Variants in DNM3 observed in about 807,000 individuals in gnomAD.
DNM3 encodes the protein dynamin 3.
In DNM3, 47 loss-of-function variants were observed where a neutral mutation model predicts 101.6. The ratio of observed to expected loss-of-function variants is 0.46; its 90% CI spans 0.37 to 0.59. DNM3 has a LOEUF of 0.59. Ranked by LOEUF, DNM3 falls within the 20% of genes least tolerant of loss-of-function variation. DNM3 has a pLI of 0.00. For missense variants in DNM3, 849 were observed against 1,085.7 expected (o/e 0.78, Z 3.06); for synonymous variants, 385 against 387.9 (o/e 0.99, Z 0.09).
chr1:172,039,507 C>T (rs10797725), intron 7 of DNM3, among the ~76,000 whole-genome samples: 56,587 of 148,826 alleles, frequency 0.38, 11,133 homozygotes, highest in East Asian at 0.69. Flanking sequence ...TCTTTCTTTT[C>T]GTTCTTGGGT....
intron 4 of DNM3, among the ~76,000 whole-genome samples, chr1:172,019,458 A>G (rs2047680936): frequency 6.7e-6 from 1 of 149,466 alleles, no homozygotes; most frequent in Non-Finnish European, 1.5e-5. Flanking sequence ...GCCTAGTTAT[A>G]GCTTTTGGGG....
chr1:172,036,464 A>C (rs12025492), intron 6 of DNM3, among the ~76,000 whole-genome samples: 54,133 of 151,078 alleles, frequency 0.36, 9,997 homozygotes, highest in East Asian at 0.63. Context: ...TCAATGGAAC[A>C]GAACAGAGCC....
At chr1:171,939,209 A>G (rs2041655738) in intron 2 of DNM3, among the ~76,000 whole-genome samples, 1 of 152,170 alleles carries the variant, frequency 6.6e-6, no homozygotes, top group Non-Finnish European at 1.5e-5. Flanking sequence ...ACTGATCCAA[A>G]TTTTATTTCT....
intron 14 of DNM3, among the ~76,000 whole-genome samples, chr1:172,132,643 A>G (rs779879399): frequency 1.1e-4 from 16 of 152,260 alleles, no homozygotes; most frequent in Admixed American, 9.8e-4. Context: ...AAGGATTTAG[A>G]TGATAATTTA....
chr1:172,085,216 C>T (rs2053446210), intron 12 of DNM3, among the ~76,000 whole-genome samples: 1 of 150,868 alleles, frequency 6.6e-6, no homozygotes. Flanking sequence ...TTCTTTGTGA[C>T]TTAAGGGTTT....
chr1:171,875,095 G>A (rs1366370139), intron 1 of DNM3, among the ~76,000 whole-genome samples: 1 of 152,102 alleles, frequency 6.6e-6, no homozygotes, highest in Non-Finnish European at 1.5e-5. Flanking sequence ...TTGATTCCAT[G>A]TCTTTGTTAC....
At chr1:172,098,567 G>A (rs1224979802) in intron 13 of DNM3, among the ~76,000 whole-genome samples, 1 of 152,134 alleles carries the variant, frequency 6.6e-6, no homozygotes, top group African/African-American at 2.4e-5. Flanking sequence ...GAAGATGACG[G>A]GATTAAGAGA....
intron 17 of DNM3, among the ~76,000 whole-genome samples, chr1:172,324,569 TA>T (rs1449669432): frequency 6.6e-6 from 1 of 152,166 alleles, no homozygotes; most frequent in African/African-American, 2.4e-5. Context: ...AGTCGACTTA[TA>T]GTATGATTTT....
intron 2 of DNM3, among the ~76,000 whole-genome samples, chr1:171,929,018 G>A (rs2040798973): frequency 6.6e-6 from 1 of 152,220 alleles, no homozygotes; most frequent in Non-Finnish European, 1.5e-5. Context: ...CACTGTAGGA[G>A]GTGGCTGGAG....
chr1:172,212,628 C>T (rs760600523), intron 14 of DNM3, among the ~76,000 whole-genome samples: 13 of 152,150 alleles, frequency 8.5e-5, no homozygotes, highest in Non-Finnish European at 1.6e-4. Flanking sequence ...AAGCCCAAAC[C>T]TTTCGCTTTG....
chr1:172,072,814 G>C (rs1379459474), intron 11 of DNM3, among the ~76,000 whole-genome samples: 1 of 152,206 alleles, frequency 6.6e-6, no homozygotes, highest in African/African-American at 2.4e-5. Flanking sequence ...TTGAACCCAG[G>C]AGGCGGAGGT....
At chr1:171,950,063 A>G (rs2042416596) in intron 2 of DNM3, among the ~76,000 whole-genome samples, 1 of 152,188 alleles carries the variant, frequency 6.6e-6, no homozygotes, top group Non-Finnish European at 1.5e-5. Context: ...GCAATGGAAT[A>G]CAACTTAGCA....
At chr1:172,218,917 C>T (rs544887117) in intron 14 of DNM3, among the ~76,000 whole-genome samples, 33 of 152,130 alleles carry the variant, frequency 2.2e-4, no homozygotes, top group Non-Finnish European at 4.4e-4. Flanking sequence ...ACTTGCTTCT[C>T]ATCACACCTT....
intron 7 of DNM3, among the ~76,000 whole-genome samples, chr1:172,041,335 G>A (rs1239412574): frequency 6.6e-6 from 1 of 152,172 alleles, no homozygotes; most frequent in African/African-American, 2.4e-5. Context: ...CCTGGGGTGG[G>A]TGGTATCATC....
At chr1:171,867,669 A>G (rs1056074494) in intron 1 of DNM3, among the ~76,000 whole-genome samples, 7 of 152,120 alleles carry the variant, frequency 4.6e-5, no homozygotes, top group Non-Finnish European at 1.0e-4. Flanking sequence ...TGTTTTCATC[A>G]TATTTATTAT....
At chr1:172,228,937 C>T (rs1437034529) in intron 14 of DNM3, among the ~76,000 whole-genome samples, 1 of 151,994 alleles carries the variant, frequency 6.6e-6, no homozygotes, top group East Asian at 1.9e-4. Context: ...CACCAAAGAC[C>T]TCTTCTTTTG....
At chr1:172,283,325 G>T (rs2063559161) in intron 15 of DNM3, among the ~76,000 whole-genome samples, 1 of 152,040 alleles carries the variant, frequency 6.6e-6, no homozygotes, top group Admixed American at 6.6e-5. Flanking sequence ...TTAGTTCCTA[G>T]AACTGGACAC....
At chr1:172,402,718 G>A (rs1189009138) in intron 20 of DNM3, among the ~76,000 whole-genome samples, 1 of 152,224 alleles carries the variant, frequency 6.6e-6, no homozygotes, top group East Asian at 1.9e-4. Flanking sequence ...TAACAACAAC[G>A]ACAACAAACA....
At chr1:172,329,620 A>G (rs921189506) in intron 17 of DNM3, among the ~76,000 whole-genome samples, 28 of 152,180 alleles carry the variant, frequency 1.8e-4, no homozygotes, top group Non-Finnish European at 2.9e-5. Context: ...CTTAAACTAC[A>G]TACAAATTTA....
Sources: gnomAD v4.1 joint callset for allele counts (sites outside exome capture counted in the v4.1 genomes callset) on GRCh38, gnomAD v4.1.1 for gene constraint, MANE v1.5 for transcripts, NCBI Gene and HGNC (gene_info 2026-07-23, HGNC 2026-07-21) for gene names.